Variants in EFCAB6 observed in about 807,000 individuals in gnomAD.
EFCAB6 encodes the protein EF-hand calcium-binding domain-containing protein 6.
Under a neutral mutation model 169.8 loss-of-function variants are expected in EFCAB6, and 156 were observed. The observed-to-expected ratio is 0.92, with a 90% CI of 0.81 to 1.05. The LOEUF is 1.05. EFCAB6 is among the 50% of genes least tolerant of loss of function. The probability of loss-of-function intolerance (pLI) is 0.00; values close to 1 mark genes in which losing one functional copy is unlikely to be tolerated. For missense variants in EFCAB6, 1,800 were observed against 1,829.1 expected (o/e 0.98, Z 0.29); for synonymous variants, 698 against 676.4 (o/e 1.03, Z -0.50).
At chr22:43,740,290 C>A (rs528721399) in intron 6 of EFCAB6, among the ~76,000 whole-genome samples, 2 of 152,132 alleles carry the variant, frequency 1.3e-5, no homozygotes, top group Admixed American at 6.5e-5. Context: ...TCCGTCTCCC[C>A]CTCTGAGAGC....
At chr22:43,581,017 C>T (rs1055218012) in intron 24 of EFCAB6, among the ~76,000 whole-genome samples, 3 of 152,090 alleles carry the variant, frequency 2.0e-5, no homozygotes, top group East Asian at 3.9e-4. Flanking sequence ...GACGGGGGCA[C>T]GTGAAAGTAT....
chr22:43,646,956 A>C (rs192397974), intron 17 of EFCAB6, among the ~76,000 whole-genome samples: 535 of 152,342 alleles, frequency 3.5e-3, no homozygotes, highest in Non-Finnish European at 6.0e-3. Context: ...TAGACATTTC[A>C]CTTGTTCTAT....
chr22:43,608,512 G>A lies in EFCAB6; in HGVS notation c.2651C>T (p.Thr884Ile). The stretch of plus-strand genomic sequence containing the variant: ...CCAAAGCTTTTCAAACTCTCTTGGT[G>A]TGAGGGGAATATCAAAACCGTACAG... Reference protein sequence around the residue: ...NALYGFDIPLTPREFEKLWAR... With the variant: ...NALYGFDIPLIPREFEKLWAR... The change falls in exon 22 of 32, where the codon ACA (threonine) becomes ATA (isoleucine). Residue 884 changes from threonine (T) to isoleucine (I), a missense_variant. By Grantham distance (89) the Thr-to-Ile change is moderately conservative. Transcript: ENST00000262726. The A allele has an allele frequency of 1.2e-6, 2 of 1,614,182 alleles. No homozygotes were observed. The highest frequency in any genetic ancestry group is 2.2e-5 in the East Asian group (1 of 44,888).
In EFCAB6 at chr22:43,598,325, A is replaced by AACAAC. The variant is rs1569223162; in HGVS notation, c.2876+1743_2876+1744insGTTGT. 3.8e-4 allele frequency among the ~76,000 whole-genome samples: 57 copies of AACAAC among 149,626 alleles called. No individual in the cohort carries two copies. The East Asian group carries it at 6.9e-3, about 18-fold the overall frequency. On this transcript the variant is annotated intron_variant, in intron 23 of 31. Transcript: ENST00000262726. ...ACTGTCTCCGGGAAAAAAAAAAAAA[A>AACAAC]AAAAAAAAAAAAAGGTTGATCTCAG...
At chr22:43,580,720 A>G (rs1196969351) in intron 24 of EFCAB6, 61 bp from the exon 25 acceptor site, 31 of 1,562,358 alleles carry the variant, frequency 2.0e-5, no homozygotes, top group Non-Finnish European at 2.6e-5. Flanking sequence ...CTGCTTATTC[A>G]TTCAACAGTT....
intron 11 of EFCAB6, among the ~76,000 whole-genome samples, chr22:43,685,234 C>T (rs894523722): frequency 2.2e-4 from 33 of 152,104 alleles, no homozygotes; most frequent in Admixed American, 2.2e-3. Context: ...TTTCAGGTGT[C>T]AACTTGACTG....
intron 23 of EFCAB6, among the ~76,000 whole-genome samples, chr22:43,593,140 A>C: frequency 6.6e-6 from 1 of 152,180 alleles, no homozygotes; most frequent in East Asian, 1.9e-4. Context: ...AAAACAGGCC[A>C]TCCTGAAGGA....
intron 26 of EFCAB6, among the ~76,000 whole-genome samples, chr22:43,575,687 G>T (rs78973021): frequency 6.7e-6 from 1 of 149,472 alleles, no homozygotes; most frequent in Non-Finnish European, 1.5e-5. Context: ...TGGCAAAGAT[G>T]AAAAAAAAAA....
intron 17 of EFCAB6, among the ~76,000 whole-genome samples, chr22:43,652,753 C>T (rs1313357400): frequency 1.3e-5 from 2 of 150,402 alleles, no homozygotes; most frequent in East Asian, 3.9e-4. Flanking sequence ...AACCCAATAT[C>T]CAGAAAGAAA....
intron 23 of EFCAB6, among the ~76,000 whole-genome samples, chr22:43,593,975 T>C (rs959839066): frequency 2.0e-5 from 3 of 152,060 alleles, no homozygotes; most frequent in African/African-American, 7.2e-5. Flanking sequence ...GTTATAAATG[T>C]TAAAAATATG....
chr22:43,729,029 C>G (rs1235167245), intron 8 of EFCAB6, among the ~76,000 whole-genome samples: 1 of 152,140 alleles, frequency 6.6e-6, no homozygotes, highest in Non-Finnish European at 1.5e-5. Flanking sequence ...TTTCAAGAAG[C>G]TTTTTACTGG....
At chr22:43,681,706 T>C (rs1265037690) in intron 12 of EFCAB6, among the ~76,000 whole-genome samples, 1 of 152,224 alleles carries the variant, frequency 6.6e-6, no homozygotes, top group Admixed American at 6.5e-5. Context: ...TGTATTGACT[T>C]TGTATCCCAT....
intron 10 of EFCAB6, among the ~76,000 whole-genome samples, chr22:43,702,417 A>G (rs1046765655): frequency 6.6e-6 from 1 of 152,222 alleles, no homozygotes; most frequent in African/African-American, 2.4e-5. Context: ...CACCTGTGTG[A>G]TTCACAGAAC....
In EFCAB6 at chr22:43,667,163, G is replaced by GT; in HGVS notation, c.1923dup (p.Arg642ThrfsTer4). On this transcript the variant is annotated frameshift_variant, in exon 17 of 32. Transcript: ENST00000262726. LOFTEE classifies it high-confidence loss of function. ...GGCTCCTTGCTGAAGTCAAGAAATCGTTTTTTGAATGCCGGGTCCTGCTGC... is the reference window on the plus strand; with the variant it reads ...GGCTCCTTGCTGAAGTCAAGAAATCGTTTTTTTGAATGCCGGGTCCTGCTGC... 2 of 1,613,972 alleles carry GT rather than the reference G, an allele frequency of 1.2e-6. No homozygotes were observed. Among genetic ancestry groups the GT allele is most frequent in the Non-Finnish European group, 1.7e-6 (2 of 1,179,974 alleles).
At chr22:43,760,194 ACT>A (rs1259089169) in intron 5 of EFCAB6, among the ~76,000 whole-genome samples, 1 of 122,528 alleles carries the variant, frequency 8.2e-6, no homozygotes, top group Non-Finnish European at 1.6e-5. Flanking sequence ...ACACAGCAAG[ACT>A]CTGTCTCAAA....
intron 25 of EFCAB6, among the ~76,000 whole-genome samples, chr22:43,577,419 C>T (rs1305054844): frequency 2.0e-5 from 3 of 152,198 alleles, no homozygotes; most frequent in South Asian, 2.1e-4. Context: ...AACCTTAAAA[C>T]ATCAGATAGC....
intron 13 of EFCAB6, among the ~76,000 whole-genome samples, chr22:43,677,391 TAATC>T (rs2057805706): frequency 6.6e-6 from 1 of 152,148 alleles, no homozygotes; most frequent in South Asian, 2.1e-4. Flanking sequence ...CTCACGCCTG[TAATC>T]CCAGCACTTT....
At chr22:43,773,721 C>A (rs1481977121) in intron 3 of EFCAB6, among the ~76,000 whole-genome samples, 1 of 152,226 alleles carries the variant, frequency 6.6e-6, no homozygotes, top group Non-Finnish European at 1.5e-5. Context: ...GTGGCACATG[C>A]CTGTAATCCC....
At position 43,600,239 on chromosome 22, in the gene EFCAB6, G is replaced by A; in HGVS notation, c.2706C>T (p.His902=). ...WARYDTEGKG[H]ITYQEFLQKL... ...TCTGTAAAAATTCCTGGTAAGTAAT[G>A]TGCCCTTTTCCCTCGGTGTCGTATC... The change falls in exon 23 of 32, where the codon CAC becomes CAT. Residue 902 remains histidine (H), a synonymous_variant. Coordinates refer to ENST00000262726, the MANE Select transcript of EFCAB6 (RefSeq NM_022785.4). The A allele has an allele frequency of 6.2e-7, 1 of 1,614,070 alleles. No homozygotes were observed. The highest frequency in any genetic ancestry group is 8.5e-7 in the Non-Finnish European group (1 of 1,180,006).
Sources: allele counts gnomAD v4.1 joint callset (sites outside exome capture counted in the v4.1 genomes callset), GRCh38; gene constraint gnomAD v4.1.1; transcripts MANE v1.5; gene names NCBI Gene and HGNC (gene_info 2026-07-23, HGNC 2026-07-21).